SEMA3C: variants seen among roughly 807,000 people sequenced by gnomAD.
SEMA3C encodes semaphorin 3C.
In SEMA3C, 47 loss-of-function variants were observed where a neutral mutation model predicts 89.4. The ratio of observed to expected loss-of-function variants is 0.53; its 90% confidence interval spans 0.42 to 0.67. The LOEUF is 0.67. SEMA3C is among the 30% of genes least tolerant of loss of function. The pLI, the probability that SEMA3C is intolerant of heterozygous loss-of-function variation, is 0.00. For missense variants in SEMA3C, 839 were observed against 929.1 expected (o/e 0.90, Z 1.26); for synonymous variants, 310 against 320.2 (o/e 0.97, Z 0.34).
intron 12 of SEMA3C, among the ~76,000 whole-genome samples, chr7:80,771,780 T>A (rs747971617): frequency 4.6e-5 from 7 of 152,266 alleles, no homozygotes; most frequent in Middle Eastern, 3.4e-3. Context: ...CTTAATGAGA[T>A]CTGGCCAGTC....
At chr7:80,769,031 ATTCT>A (rs1788369159) in intron 12 of SEMA3C, among the ~76,000 whole-genome samples, 2 of 152,258 alleles carry the variant, frequency 1.3e-5, no homozygotes, top group East Asian at 1.9e-4. Flanking sequence ...CATAATCTAC[ATTCT>A]TTCTTGTTTG....
intron 2 of SEMA3C, among the ~76,000 whole-genome samples, chr7:80,893,435 A>G (rs1791662680): frequency 6.6e-6 from 1 of 152,192 alleles, no homozygotes; most frequent in Admixed American, 6.5e-5. Flanking sequence ...TTCCAGGTAC[A>G]ACTAAGATTT....
chr7:80,864,914 C>G (rs1790889235), intron 2 of SEMA3C, among the ~76,000 whole-genome samples: 1 of 152,168 alleles, frequency 6.6e-6, no homozygotes, highest in Non-Finnish European at 1.5e-5. Context: ...TTCCCAGACA[C>G]CCTGGTCAAC....
intron 12 of SEMA3C, among the ~76,000 whole-genome samples, chr7:80,771,451 T>C (rs1202184876): frequency 6.6e-6 from 1 of 152,242 alleles, no homozygotes; most frequent in Non-Finnish European, 1.5e-5. Context: ...AAAGAAAATT[T>C]CCTAGACAGT....
intron 17 of SEMA3C, among the ~76,000 whole-genome samples, chr7:80,747,257 CT>C (rs1164156329): frequency 6.6e-6 from 1 of 151,966 alleles, no homozygotes; most frequent in Non-Finnish European, 1.5e-5. Flanking sequence ...TGAAACAGAA[CT>C]TTGGAAATAT....
intron 2 of SEMA3C, among the ~76,000 whole-genome samples, chr7:80,870,220 G>C (rs1562915919): frequency 6.6e-6 from 1 of 152,122 alleles, no homozygotes; most frequent in East Asian, 1.9e-4. Flanking sequence ...TGCCCCACCT[G>C]AGTGGGAAGA....
intron 15 of SEMA3C, among the ~76,000 whole-genome samples, chr7:80,754,973 T>TTTTTTGTTTTTTTGC (rs1554359523): frequency 6.8e-6 from 1 of 146,886 alleles, no homozygotes; most frequent in South Asian, 2.2e-4. Context: ...TTTTTTTTTG[T>TTTTTTGTTTTTTTGC]ATTTTTAGTA....
chr7:80,757,688 C>T (rs539257098), intron 15 of SEMA3C, among the ~76,000 whole-genome samples: 42 of 152,194 alleles, frequency 2.8e-4, no homozygotes, highest in African/African-American at 8.7e-4. Flanking sequence ...ATAAAAAAGA[C>T]GGCCGGGAGC....
At chr7:80,753,321 C>G (rs1024334917) in intron 15 of SEMA3C, among the ~76,000 whole-genome samples, 7 of 152,178 alleles carry the variant, frequency 4.6e-5, no homozygotes, top group Non-Finnish European at 1.0e-4. Context: ...TATTTTCCTA[C>G]AGCCAACTTC....
At chr7:80,893,683 G>A (rs918553023) in intron 2 of SEMA3C, among the ~76,000 whole-genome samples, 2 of 152,010 alleles carry the variant, frequency 1.3e-5, no homozygotes, top group Non-Finnish European at 2.9e-5. Context: ...CTTGGGTGGA[G>A]GGGTCATATT....
At chr7:80,913,177 G>A (rs973780326) in intron 2 of SEMA3C, among the ~76,000 whole-genome samples, 6 of 152,258 alleles carry the variant, frequency 3.9e-5, no homozygotes, top group African/African-American at 1.4e-4. Flanking sequence ...GAGACAGGCG[G>A]ATCACCTGAA....
At chr7:80,794,074 T>C (rs974092889) in intron 11 of SEMA3C, among the ~76,000 whole-genome samples, 8 of 152,060 alleles carry the variant, frequency 5.3e-5, no homozygotes, top group African/African-American at 1.9e-4. Context: ...GACCCTCATC[T>C]TCCTTATATT....
At chr7:80,756,904 A>G (rs1211819369) in intron 15 of SEMA3C, among the ~76,000 whole-genome samples, 1 of 152,110 alleles carries the variant, frequency 6.6e-6, no homozygotes, top group East Asian at 1.9e-4. Flanking sequence ...AGATCGTGTT[A>G]TTATTTGATA....
intron 2 of SEMA3C, among the ~76,000 whole-genome samples, chr7:80,891,372 C>G (rs553299537): frequency 2.6e-5 from 4 of 152,080 alleles, no homozygotes; most frequent in South Asian, 4.1e-4. Context: ...CTCCCTCCCC[C>G]ATAATACTTC....
At chr7:80,918,247 TTAC>T (rs1475164297) in intron 1 of SEMA3C, 1 of 152,226 alleles carries the variant, frequency 6.6e-6, no homozygotes, top group African/African-American at 2.4e-5. Flanking sequence ...TTTGTTATGT[TTAC>T]TGAGCAAGTT....
At chr7:80,865,526 G>A (rs1192999820) in intron 2 of SEMA3C, among the ~76,000 whole-genome samples, 6 of 151,980 alleles carry the variant, frequency 3.9e-5, no homozygotes, top group African/African-American at 7.2e-5. Flanking sequence ...GGTGGCTCAC[G>A]CCTGTAATCC....
At chr7:80,840,518 GAAAAAAAAAAA>G (rs1171113816) in intron 2 of SEMA3C, among the ~76,000 whole-genome samples, 27 of 82,514 alleles carry the variant, frequency 3.3e-4, no homozygotes, top group East Asian at 1.5e-3. Flanking sequence ...CTGTCTCCAG[GAAAAAAAAAAA>G]AAAAAAAAAA....
chr7:80,872,298 G>GCAC (rs1791078590), intron 2 of SEMA3C, among the ~76,000 whole-genome samples: 1 of 151,734 alleles, frequency 6.6e-6, no homozygotes, highest in Non-Finnish European at 1.5e-5. Context: ...CTACAGGCAC[G>GCAC]CACCACCGTG....
At chr7:80,765,701 C>T (rs1583856825) in intron 12 of SEMA3C, among the ~76,000 whole-genome samples, 1 of 152,168 alleles carries the variant, frequency 6.6e-6, no homozygotes, top group South Asian at 2.1e-4. Flanking sequence ...TGCAGCCTCC[C>T]GGGTATCTGG....
Sources: gnomAD v4.1 joint callset for allele counts (sites outside exome capture counted in the v4.1 genomes callset) on GRCh38, gnomAD v4.1.1 for gene constraint, MANE v1.5 for transcripts, NCBI Gene and HGNC (gene_info 2026-07-23, HGNC 2026-07-21) for gene names.